Variants in XPA observed in about 807,000 individuals in gnomAD.
XPA encodes the protein DNA repair protein complementing XP-A cells.
Under a neutral mutation model 35.7 loss-of-function variants are expected in XPA, and 27 were observed. The ratio of observed to expected loss-of-function variants is 0.76; its 90% CI spans 0.56 to 1.04. The LOEUF (loss-of-function observed/expected upper bound fraction) is 1.04. Among genes scored for constraint, XPA ranks in the 50% least tolerant of loss-of-function variants. The pLI is 0.00. For missense variants in XPA, 354 were observed against 342.7 expected (o/e 1.03, Z -0.26); for synonymous variants, 133 against 118.4 (o/e 1.12, Z -0.80).
downstream of XPA, chr9:97,671,356 A>G: frequency 1.8e-6 from 1 of 566,030 alleles, no homozygotes; most frequent in South Asian, 2.4e-5. Context: ...CATTACTTTT[A>G]ATTGCCCTGA....
At chr9:97,663,612 G>C in the XPA span, among the ~76,000 whole-genome samples, 2 of 151,834 alleles carry the variant, frequency 1.3e-5, no homozygotes, top group African/African-American at 4.8e-5. Flanking sequence ...AGCCTCCCGA[G>C]TAGCTGGGAT....
Position 97,693,757 on chromosome 9 carries a change from T to A in XPA, c.175A>T (p.Met59Leu). 1 of 1,612,604 alleles carries A rather than the reference T, an allele frequency of 6.2e-7. No homozygotes were observed. The highest frequency in any genetic ancestry group is 8.5e-7 in the Non-Finnish European group (1 of 1,179,856). The change falls in exon 2 of 6, where the codon ATG (methionine) becomes TTG (leucine). Residue 59 changes from methionine (M) to leucine (L), a missense_variant and splice_region_variant. Physicochemically the swap from Met to Leu is conservative, Grantham distance 15. Transcript: ENST00000375128. ...SATAAAATGG[M>L]ANVKAAPKII... ...TTTGGGGCTGCTTTTACATTAGCCATGCCTACAAAAGTAAGTAAAAGCAGT... is the reference window on the plus strand; with the variant it reads ...TTTGGGGCTGCTTTTACATTAGCCAAGCCTACAAAAGTAAGTAAAAGCAGT...
chr9:97,679,869 C>CA (rs1491168712), intron 5 of XPA, among the ~76,000 whole-genome samples: 2 of 152,154 alleles, frequency 1.3e-5, no homozygotes, highest in Non-Finnish European at 2.9e-5. Flanking sequence ...GATAAATGCT[C>CA]AAACACATCA....
chr9:97,686,464 G>T (rs1440705138), intron 4 of XPA, among the ~76,000 whole-genome samples: 1 of 152,162 alleles, frequency 6.6e-6, no homozygotes, highest in Non-Finnish European at 1.5e-5. Flanking sequence ...AGGTATTTAT[G>T]AAATTCTTGA....
chr9:97,661,148 G>A, the XPA span: 2 of 1,549,662 alleles, frequency 1.3e-6, no homozygotes, highest in African/African-American at 2.7e-5. Context: ...GCAACATGAT[G>A]CTCTTAAAGC....
downstream of XPA, among the ~76,000 whole-genome samples, chr9:97,670,263 A>G (rs1188312465): frequency 1.3e-5 from 2 of 152,178 alleles, no homozygotes; most frequent in East Asian, 3.9e-4. Context: ...TGTAATATAA[A>G]ATGTAGAGGA....
chr9:97,665,258 C>T, the XPA span, among the ~76,000 whole-genome samples: 21 of 152,312 alleles, frequency 1.4e-4, no homozygotes, highest in African/African-American at 4.8e-4. Flanking sequence ...ACAGAAGAAC[C>T]TTTTCAGATT....
At chr9:97,674,299 T>C (rs920679212), downstream of XPA, among the ~76,000 whole-genome samples, 1 of 150,108 alleles carries the variant, frequency 6.7e-6, no homozygotes, top group Non-Finnish European at 1.5e-5. Flanking sequence ...GTATTAGTCA[T>C]TGAGTGTGAA....
chr9:97,660,524 C>T, the XPA span, among the ~76,000 whole-genome samples: 11 of 152,164 alleles, frequency 7.2e-5, no homozygotes, highest in East Asian at 7.7e-4. Flanking sequence ...TTCATTTCCA[C>T]GGTCCCGAGG....
chr9:97,682,511 G>A, intron 5 of XPA: 1 of 507,368 alleles, frequency 2.0e-6, no homozygotes, highest in Non-Finnish European at 3.9e-6. Context: ...GAAGACAGTG[G>A]AGTAATGTTA....
At chr9:97,689,403 A>G (rs943284597) in intron 3 of XPA, 131 bp downstream of exon 3, 69 of 692,372 alleles carry the variant, frequency 1.0e-4, no homozygotes, top group Non-Finnish European at 1.6e-4. Flanking sequence ...GAAACCATAG[A>G]AATTTTAGGA....
chr9:97,656,405 A>AC, the XPA span, among the ~76,000 whole-genome samples: 1 of 151,908 alleles, frequency 6.6e-6, no homozygotes, highest in South Asian at 2.1e-4. Flanking sequence ...ACATGGGGAA[A>AC]CCCCCTCTCT....
At chr9:97,694,720 A>G (rs1828991286) in intron 1 of XPA, among the ~76,000 whole-genome samples, 3 of 152,090 alleles carry the variant, frequency 2.0e-5, no homozygotes, top group African/African-American at 7.2e-5. Flanking sequence ...ACATAACTAC[A>G]CCTCTCCTAT....
At chr9:97,677,074 C>T (rs962909742) in intron 5 of XPA, among the ~76,000 whole-genome samples, 1 of 51,496 alleles carries the variant, frequency 1.9e-5, no homozygotes, top group South Asian at 4.4e-4. Context: ...TGCTTTTCAA[C>T]TTGGTTCTCA....
chr9:97,670,790 T>C (rs1828166508), downstream of XPA, among the ~76,000 whole-genome samples: 1 of 152,216 alleles, frequency 6.6e-6, no homozygotes, highest in African/African-American at 2.4e-5. Context: ...TAGTCCGTAA[T>C]AGTACTAGGA....
chr9:97,692,944 G>T (rs1257394545), intron 2 of XPA, among the ~76,000 whole-genome samples: 1 of 151,626 alleles, frequency 6.6e-6, no homozygotes, highest in Non-Finnish European at 1.5e-5. Context: ...TCAAGTCTCA[G>T]CTTCTGCAAA....
At chr9:97,677,697 G>GA (rs1828409990) in intron 5 of XPA, among the ~76,000 whole-genome samples, 1 of 150,830 alleles carries the variant, frequency 6.6e-6, no homozygotes, top group Non-Finnish European at 1.5e-5. Flanking sequence ...CTGTCTCAAA[G>GA]AAAAAAACAA....
chr9:97,674,037 C>G (rs192042709), downstream of XPA, among the ~76,000 whole-genome samples: 265 of 110,256 alleles, frequency 2.4e-3, 1 homozygote, highest in African/African-American at 7.6e-3. Context: ...ATGATTATGC[C>G]CTCTTTACAG....
At position 97,684,903 on chromosome 9, in the gene XPA, T is replaced by C. The variant is rs747735636; in HGVS notation, c.673+20A>G. On this transcript the variant is annotated intron_variant, in intron 5 of 5. Transcript: ENST00000375128. ...AATGGTAAAACACAATCCTTCACGATATAAAATGTGGCCATCTACCTTTTA... is the reference window on the plus strand; with the variant it reads ...AATGGTAAAACACAATCCTTCACGACATAAAATGTGGCCATCTACCTTTTA... 52 of 1,583,036 alleles carry C rather than the reference T, an allele frequency of 3.3e-5. 1 individual carries two copies. Among genetic ancestry groups the C allele is most frequent in the South Asian group, 4.4e-5 (4 of 90,460 alleles).
Sources: gnomAD v4.1 joint callset for allele counts (sites outside exome capture counted in the v4.1 genomes callset) on GRCh38, gnomAD v4.1.1 for gene constraint, MANE v1.5 for transcripts, NCBI Gene and HGNC (gene_info 2026-07-23, HGNC 2026-07-21) for gene names.